Variants in NOS3 observed in about 807,000 individuals in gnomAD.
NOS3 encodes nitric oxide synthase 3.
In NOS3, 98 loss-of-function variants were observed where a neutral mutation model predicts 144.9. The ratio of observed to expected loss-of-function variants is 0.68; its 90% CI spans 0.57 to 0.80. NOS3 has a LOEUF of 0.80. Ranked by LOEUF, NOS3 falls within the 30% of genes least tolerant of loss-of-function variation. The pLI, the probability that NOS3 is intolerant of heterozygous loss-of-function variation, is 0.00. For synonymous variants in NOS3, 714 were observed against 702.4 expected (o/e 1.02, Z -0.26); for missense variants, 1,465 against 1,656.4 (o/e 0.88, Z 2.01).
Position 150,993,214 on chromosome 7 carries a change from C to T in NOS3, c.-51-539C>T, listed in dbSNP as rs1802292251. Among the ~76,000 whole-genome samples the T allele has an allele frequency of 6.6e-6, 1 of 152,186 alleles. No homozygotes were observed. The highest frequency in any genetic ancestry group is 2.4e-5 in the African/African-American group (1 of 41,440). On this transcript the variant is annotated intron_variant, in intron 1 of 26. Transcript: ENST00000297494. This position sits in a 1 kb window ranked among gnomAD's most constrained non-coding sequence, Gnocchi z 4.0. ...AGGACAAAAAGTCACTACATCCTTG[C>T]TGGGCCTCTATCCCCAAGAACCCAA... is the stretch of plus-strand genomic sequence containing the variant.
intron 4 of NOS3, 63 bp downstream of exon 4, chr7:150,996,615 G>C: frequency 6.5e-7 from 1 of 1,534,474 alleles, no homozygotes; most frequent in Non-Finnish European, 8.8e-7. Flanking sequence ...ACCCCGTGAC[G>C]ACCTTCCCAT....
In NOS3 at chr7:151,009,462, G is replaced by A. The variant is rs1342794424; in HGVS notation, c.2389G>A (p.Asp797Asn). The A allele has an allele frequency of 3.9e-6, 6 of 1,549,024 alleles. No homozygotes were observed. The highest frequency in any genetic ancestry group is 2.7e-5 in the African/African-American group (2 of 73,030). ...GGAGGGGCTGCAGTACCAGCCGGGG[G>A]ACCACATAGGTGTCTGCCCGCCCAA... is the stretch of plus-strand genomic sequence containing the variant. The part of the protein sequence containing the change: ...GQEGLQYQPG[D>N]HIGVCPPNRP... The change falls in exon 20 of 27, where the codon GAC (aspartate) becomes AAC (asparagine). Residue 797 changes from aspartate to asparagine, a missense_variant. Asp to Asn is a conservative substitution (Grantham distance 23). Coordinates refer to ENST00000297494, the MANE Select transcript of NOS3 (RefSeq NM_000603.5).
chr7:151,008,827 T>G, intron 17 of NOS3, 103 bp from the exon 18 acceptor site: 1 of 1,343,820 alleles, frequency 7.4e-7, no homozygotes, highest in Non-Finnish European at 9.9e-7. Flanking sequence ...CCACTGGGGC[T>G]GCCAACCCCC....
Position 151,009,063 on chromosome 7 carries a change from G to C in NOS3, c.2245+1G>C. ...GCCGAGGGCCTGCAGTTGCTGCCAG[G>C]TGGGCCCTGCCCTCACCCTAACCCG... On this transcript the variant is annotated splice_donor_variant, in intron 18 of 26. Coordinates refer to ENST00000297494, the MANE Select transcript of NOS3 (RefSeq NM_000603.5). LOFTEE classifies it high-confidence loss of function. 1 of 1,612,916 alleles carries C rather than the reference G, an allele frequency of 6.2e-7. No individual in the cohort carries two copies. The highest frequency in any genetic ancestry group is 8.5e-7 in the Non-Finnish European group (1 of 1,179,596).
intron 25 of NOS3, 122 bp from the exon 26 acceptor site, chr7:151,013,602 G>C (rs1795359549): frequency 1.2e-6 from 1 of 827,720 alleles, no homozygotes; most frequent in Non-Finnish European, 1.7e-6. Context: ...CACCGCCCCA[G>C]GGCACGCAGG....
intron 5 of NOS3, among the ~76,000 whole-genome samples, chr7:150,997,215 A>G (rs1017743605): frequency 4.6e-5 from 7 of 151,020 alleles, no homozygotes; most frequent in South Asian, 2.1e-4. Flanking sequence ...GACCTGCTGC[A>G]GGGGTGAGGA....
rs1442732757 is a variant in NOS3, at chr7:150,993,758, G to A, written c.-46G>A. The A allele has an allele frequency of 6.4e-7, 1 of 1,564,108 alleles. No individual in the cohort carries two copies. The highest frequency in any genetic ancestry group is 8.6e-7 in the Non-Finnish European group (1 of 1,162,454). ...GTCCCCTCCCTCTTCCTAAGGAAAA[G>A]GCCAGGGCTCTGCTGGAGCAGGCAG... On this transcript the variant is annotated 5_prime_UTR_variant, in exon 2 of 27. Coordinates refer to ENST00000297494, the MANE Select transcript of NOS3 (RefSeq NM_000603.5). The surrounding 1 kb of genome is among the most constrained non-coding windows in gnomAD (Gnocchi z 4.0).
rs1196311566 is a variant in NOS3 at position 151,014,080 on chromosome 7, A to C, written c.3523A>C (p.Thr1175Pro). 1.9e-6 allele frequency: 3 copies of C among 1,613,734 alleles called. No individual in the cohort carries two copies. Among genetic ancestry groups the C allele is most frequent in the Non-Finnish European group, 2.5e-6 (3 of 1,179,950 alleles). The change falls in exon 27 of 27, where the codon ACC becomes CCC. Residue 1175 changes from threonine (T) to proline (P), a missense_variant. By Grantham distance (38) the Thr-to-Pro change is conservative. Transcript: ENST00000297494. ...CCAGGAGGTGACAAGCCGCATACGC[A>C]CCCAGAGCTTTTCCTTGCAGGAGCG... Reference protein sequence around the residue: ...RTQEVTSRIRTQSFSLQERQL... With the variant: ...RTQEVTSRIRPQSFSLQERQL...
At chr7:151,010,523 G>A in intron 21 of NOS3, 74 bp from the exon 22 acceptor site, 4 of 1,396,442 alleles carry the variant, frequency 2.9e-6, no homozygotes, top group Middle Eastern at 2.6e-4. Flanking sequence ...GAGGCTCAGT[G>A]GGGGAGGGGT....
intron 16 of NOS3, 36 bp from the exon 17 acceptor site, chr7:151,007,066 G>A (rs1314244233): frequency 6.2e-6 from 10 of 1,614,066 alleles, no homozygotes; most frequent in Non-Finnish European, 8.5e-6. Flanking sequence ...AACGTGGCCT[G>A]CAAAGGGAGC....
At chr7:151,004,848 G>C (rs1043594085) in intron 14 of NOS3, among the ~76,000 whole-genome samples, 2 of 149,958 alleles carry the variant, frequency 1.3e-5, no homozygotes, top group African/African-American at 5.1e-5. Flanking sequence ...ATGTTTGTTT[G>C]TTTGTTTGTT....
chr7:151,006,816 C>T (rs1795212697), intron 15 of NOS3, 73 bp from the exon 16 acceptor site: 2 of 1,226,342 alleles, frequency 1.6e-6, no homozygotes, highest in African/African-American at 1.5e-5. Context: ...GAAGCCGTCC[C>T]TGGGGCTGGG....
intron 23 of NOS3, 140 bp from the exon 24 acceptor site, chr7:151,012,211 G>GT: frequency 1.4e-6 from 1 of 689,922 alleles, no homozygotes; most frequent in Non-Finnish European, 2.3e-6. Context: ...AAGTAGAGTT[G>GT]TTTTTTGTTT....
intron 23 of NOS3, among the ~76,000 whole-genome samples, chr7:151,011,553 A>G (rs146140682): frequency 0.01 from 1,384 of 136,876 alleles, 31 homozygotes; most frequent in African/African-American, 0.034. Flanking sequence ...TGGAGCTTGC[A>G]GTGAGCCAAG....
In NOS3 at chr7:151,006,455, C is replaced by A; in HGVS notation, c.1781C>A (p.Ser594Tyr). The part of the protein sequence containing the change: ...ESFAAALMEM[S>Y]GPYNSSPRPE... Reference sequence around the variant, plus strand: ...TTTGCAGCTGCCCTGATGGAGATGTCCGGCCCCTACAACAGCTCCCCTCGG... The same window carrying A: ...TTTGCAGCTGCCCTGATGGAGATGTACGGCCCCTACAACAGCTCCCCTCGG... The change falls in exon 15 of 27, where the codon TCC (serine) becomes TAC (tyrosine). Residue 594 changes from serine (S) to tyrosine (Y), a missense_variant. Transcript: ENST00000297494. 1 of 1,613,964 alleles carries A rather than the reference C, an allele frequency of 6.2e-7. No homozygotes were observed.
Position 151,000,552 on chromosome 7 carries a change from G to C in NOS3, c.1186G>C (p.Asp396His). The C allele has an allele frequency of 1.2e-6, 2 of 1,613,676 alleles. No individual in the cohort carries two copies. Among genetic ancestry groups the C allele is most frequent in the Non-Finnish European group, 1.7e-6 (2 of 1,179,958 alleles). ...DTRTTSSLWK[D>H]KAAVEINVAV... is the part of the protein sequence containing the mutation. ...CCGGACCACCTCGTCCCTGTGGAAA[G>C]ACAAGGCAGCAGTGGAAATCAACGT... The change falls in exon 10 of 27, where the codon GAC becomes CAC. Residue 396 changes from aspartate to histidine, a missense_variant. Coordinates refer to ENST00000297494, the MANE Select transcript of NOS3 (RefSeq NM_000603.5).
rs1317556059 is a variant in NOS3, at chr7:151,001,218, C to T, written c.1234-13C>T. Reference sequence around the variant, plus strand: ...GTCTGGTTTGAGCCTCTCCCCCTCTCTCTCCCTTCCAGCTAGCCAAAGTCA... The same window carrying T: ...GTCTGGTTTGAGCCTCTCCCCCTCTTTCTCCCTTCCAGCTAGCCAAAGTCA... On this transcript the variant is annotated splice_polypyrimidine_tract_variant and intron_variant, in intron 10 of 26. Transcript: ENST00000297494. 3.7e-6 allele frequency: 6 copies of T among 1,611,880 alleles called. No individual in the cohort carries two copies. Among genetic ancestry groups the T allele is most frequent in the Non-Finnish European group, 5.1e-6 (6 of 1,179,824 alleles).
In NOS3 at chr7:151,006,418, C is replaced by A. The variant is rs952396183; in HGVS notation, c.1753-9C>A. ...AAACTAACCCTGATGCAAACACTCC[C>A]CTCGCCAGAGCTTTGCAGCTGCCCT... is the stretch of plus-strand genomic sequence containing the variant. On this transcript the variant is annotated splice_polypyrimidine_tract_variant and intron_variant, in intron 14 of 26. Transcript: ENST00000297494. 1.9e-6 allele frequency: 3 copies of A among 1,612,642 alleles called. No individual in the cohort carries two copies. In the African/African-American group the frequency reaches 4.0e-5, roughly 22 times the overall value.
Position 150,993,841 on chromosome 7 carries a change from C to T in NOS3, c.38C>T (p.Pro13Leu), listed in dbSNP as rs201968188. ...AAGAGCGTGGCCCAGGAGCCTGGGCCACCCTGCGGCCTGGGGCTGGGGCTG... is the reference window on the plus strand; with the variant it reads ...AAGAGCGTGGCCCAGGAGCCTGGGCTACCCTGCGGCCTGGGGCTGGGGCTG... ...NLKSVAQEPG[P>L]PCGLGLGLGL... is the part of the protein sequence containing the mutation. The change falls in exon 2 of 27, where the codon CCA becomes CTA. Residue 13 changes from proline to leucine, a missense_variant. This residue lies in a region of NOS3 where 374 missense variants were observed against 377.0 expected (regional missense o/e 0.99). Coordinates refer to ENST00000297494, the MANE Select transcript of NOS3 (RefSeq NM_000603.5). This position sits in a 1 kb window ranked among gnomAD's most constrained non-coding sequence, Gnocchi z 4.0. 3.3e-5 allele frequency: 53 copies of T among 1,600,582 alleles called. No homozygotes were observed. In the African/African-American group the frequency reaches 6.6e-4, roughly 20 times the overall value.
Sources: gnomAD v4.1 joint callset for allele counts (sites outside exome capture counted in the v4.1 genomes callset) on GRCh38, gnomAD v4.1.1 for gene constraint, gnomAD v4.1.1 regional missense constraint, Gnocchi (gnomAD v3.1) non-coding constraint, MANE v1.5 for transcripts, NCBI Gene and HGNC (gene_info 2026-07-23, HGNC 2026-07-21) for gene names.